The following NXPH1 variants were observed in gnomAD, a reference collection of about 807,000 sequenced individuals.
NXPH1 encodes the protein neurexophilin 1.
NXPH1 carries 5 observed loss-of-function variants against 23.7 expected under a neutral mutation model. The observed-to-expected ratio is 0.21, with a 90% confidence interval of 0.11 to 0.44. The LOEUF is 0.44. Ranked by LOEUF, NXPH1 falls within the 20% of genes least tolerant of loss-of-function variation. The pLI, the probability that NXPH1 is intolerant of heterozygous loss-of-function variation, is 0.99. For synonymous variants in NXPH1, 144 were observed against 122.2 expected (o/e 1.18, Z -1.18); for missense variants, 324 against 321.6 (o/e 1.01, Z -0.06).
At chr7:8,694,214 A>C (rs958716807) in intron 2 of NXPH1, among the ~76,000 whole-genome samples, 2 of 152,212 alleles carry the variant, frequency 1.3e-5, no homozygotes, top group Non-Finnish European at 2.9e-5. Flanking sequence ...TCATGATGTT[A>C]GAATGCAATC....
At chr7:8,557,977 C>T (rs1584230919) in intron 2 of NXPH1, among the ~76,000 whole-genome samples, 1 of 151,630 alleles carries the variant, frequency 6.6e-6, no homozygotes, top group East Asian at 2.0e-4. Context: ...AGACCATTAT[C>T]CTCTCTGCCC....
chr7:8,449,427 A>G (rs1436230728), intron 2 of NXPH1, among the ~76,000 whole-genome samples: 2 of 152,242 alleles, frequency 1.3e-5, no homozygotes, highest in African/African-American at 4.8e-5. Context: ...ATTTTGAGGC[A>G]AGCACTGTGC....
chr7:8,603,619 G>C (rs1018886416), intron 2 of NXPH1, among the ~76,000 whole-genome samples: 5 of 152,042 alleles, frequency 3.3e-5, no homozygotes, highest in African/African-American at 1.2e-4. Flanking sequence ...TTACCTATTA[G>C]AATTATTTTT....
chr7:8,496,271 T>C (rs373938551), intron 2 of NXPH1, among the ~76,000 whole-genome samples: 59 of 152,060 alleles, frequency 3.9e-4, no homozygotes, highest in East Asian at 3.5e-3. Flanking sequence ...AGCTGGTGTG[T>C]GAAGGGTGAG....
At chr7:8,632,554 T>C (rs1820152289) in intron 2 of NXPH1, among the ~76,000 whole-genome samples, 1 of 152,208 alleles carries the variant, frequency 6.6e-6, no homozygotes, top group Non-Finnish European at 1.5e-5. Flanking sequence ...TAGTCTTGTC[T>C]ATTTCCCAAA....
At chr7:8,565,683 AT>A (rs1293110924) in intron 2 of NXPH1, among the ~76,000 whole-genome samples, 1 of 151,720 alleles carries the variant, frequency 6.6e-6, no homozygotes, top group Non-Finnish European at 1.5e-5. Context: ...TTATAATTTT[AT>A]TTTTTTGGGT....
chr7:8,678,140 CTAAAG>C (rs1166127031), intron 2 of NXPH1, among the ~76,000 whole-genome samples: 2 of 152,072 alleles, frequency 1.3e-5, no homozygotes, highest in Non-Finnish European at 1.5e-5. Context: ...CAAGTACTCT[CTAAAG>C]TAGGTGATTT....
intron 2 of NXPH1, among the ~76,000 whole-genome samples, chr7:8,471,484 G>A (rs10249411): frequency 0.59 from 90,163 of 152,034 alleles, 29,379 homozygotes; most frequent in African/African-American, 0.87. Flanking sequence ...TTAAGATGGG[G>A]ACTGCTGAAT....
chr7:8,475,163 C>A (rs1042781857), intron 2 of NXPH1, among the ~76,000 whole-genome samples: 5 of 152,062 alleles, frequency 3.3e-5, no homozygotes, highest in African/African-American at 4.8e-5. Flanking sequence ...TCTTTAGAGA[C>A]CCCTAAACTT....
chr7:8,516,701 A>G (rs1047254741), intron 2 of NXPH1, among the ~76,000 whole-genome samples: 5 of 152,044 alleles, frequency 3.3e-5, no homozygotes, highest in African/African-American at 1.2e-4. Flanking sequence ...AGGAGGTAGA[A>G]CTCTGGAGCC....
At chr7:8,532,724 A>G (rs1412901162) in intron 2 of NXPH1, among the ~76,000 whole-genome samples, 1 of 152,088 alleles carries the variant, frequency 6.6e-6, no homozygotes, top group Non-Finnish European at 1.5e-5. Flanking sequence ...CCGTAGCGTC[A>G]TTTGCGCCCT....
chr7:8,495,844 A>G (rs1563327254), intron 2 of NXPH1, among the ~76,000 whole-genome samples: 1 of 152,024 alleles, frequency 6.6e-6, no homozygotes, highest in African/African-American at 2.4e-5. Context: ...AGCAGGATAG[A>G]CATGGCTGCC....
chr7:8,490,396 C>T (rs756155893), intron 2 of NXPH1, among the ~76,000 whole-genome samples: 6 of 149,186 alleles, frequency 4.0e-5, no homozygotes, highest in Admixed American at 6.6e-5. Flanking sequence ...CTTGTAGTTA[C>T]ACATACACAG....
In NXPH1 at chr7:8,752,938, A is replaced by T. The variant is rs1262398111; in HGVS notation, c.*1169A>T. The T allele has an allele frequency of 6.6e-6, 1 of 152,566 alleles. No homozygotes were observed. 9.5% of individuals were successfully genotyped at this position (152,566 alleles called of 1,614,324 possible). A position where few individuals can be genotyped will look rare whatever the true frequency, so the allele number is the denominator to read the frequency against. On this transcript the variant is annotated 3_prime_UTR_variant, in exon 3 of 3. Coordinates refer to ENST00000405863, the MANE Select transcript of NXPH1 (RefSeq NM_152745.3). Reference sequence around the variant, plus strand: ...GAAAAAATGAAATGTACATAAAAATAAAACACTTAAAGTTGAGTTTCAATA... The same window carrying T: ...GAAAAAATGAAATGTACATAAAAATTAAACACTTAAAGTTGAGTTTCAATA...
At chr7:8,472,774 C>T (rs917518810) in intron 2 of NXPH1, among the ~76,000 whole-genome samples, 3 of 152,172 alleles carry the variant, frequency 2.0e-5, no homozygotes, top group African/African-American at 4.8e-5. Context: ...GACTCATTAG[C>T]TGCAATAGAT....
At chr7:8,578,084 A>G (rs1328886360) in intron 2 of NXPH1, among the ~76,000 whole-genome samples, 2 of 152,102 alleles carry the variant, frequency 1.3e-5, no homozygotes, top group African/African-American at 2.4e-5. Context: ...AATGTTTCTT[A>G]TTGTTTTAAG....
At chr7:8,492,521 C>G (rs1008895880) in intron 2 of NXPH1, among the ~76,000 whole-genome samples, 1 of 151,924 alleles carries the variant, frequency 6.6e-6, no homozygotes, top group Non-Finnish European at 1.5e-5. Context: ...ATCAACTAGG[C>G]CTTTTGACAG....
rs1368458022 is a variant in NXPH1 at position 8,726,406 on chromosome 7, A to G, written c.55-24602A>G. The stretch of plus-strand genomic sequence containing the variant: ...ATGTGCAGGTTAGTTACATATGTAT[A>G]CATGTGCCATGCTGGTGCGCTGCAC... On this transcript the variant is annotated intron_variant, in intron 2 of 2. Coordinates refer to ENST00000405863, the MANE Select transcript of NXPH1 (RefSeq NM_152745.3). Among the ~76,000 whole-genome samples, 3 of 151,286 alleles carry G rather than the reference A, an allele frequency of 2.0e-5. No homozygotes were observed. The East Asian group carries it at 5.8e-4, about 29-fold the overall frequency.
At chr7:8,653,457 T>C (rs10226203) in intron 2 of NXPH1, among the ~76,000 whole-genome samples, 109,630 of 152,068 alleles carry the variant, frequency 0.72, 40,072 homozygotes, top group East Asian at 1. Flanking sequence ...AAGCATTGCA[T>C]TAGCTACCGT....
Sources: gnomAD v4.1 joint callset for allele counts (sites outside exome capture counted in the v4.1 genomes callset) on GRCh38, gnomAD v4.1.1 for gene constraint, MANE v1.5 for transcripts, NCBI Gene and HGNC (gene_info 2026-07-23, HGNC 2026-07-21) for gene names.